The following SLC4A5 variants were observed in gnomAD, a reference collection of about 807,000 sequenced individuals.
SLC4A5 encodes solute carrier family 4 member 5.
SLC4A5 carries 96 observed loss-of-function variants against 120.4 expected under a neutral mutation model. The ratio of observed to expected loss-of-function variants is 0.80; its 90% CI spans 0.68 to 0.94. The LOEUF (loss-of-function observed/expected upper bound fraction) is 0.94. SLC4A5 is among the 40% of genes least tolerant of loss of function. The pLI is 0.00. For missense variants in SLC4A5, 1,259 were observed against 1,459.5 expected, an observed-to-expected ratio of 0.86 and a Z score of 2.24; for synonymous variants, 550 against 571.1, an observed-to-expected ratio of 0.96 and a Z score of 0.53.
intron 25 of SLC4A5, among the ~76,000 whole-genome samples, chr2:74,229,848 C>T (rs779329029): frequency 1.5e-4 from 23 of 150,732 alleles, no homozygotes; most frequent in Non-Finnish European, 2.1e-4. Context: ...CATTCTTTAG[C>T]GTTTGTTTCT....
rs143915992 is a variant in SLC4A5 at position 74,322,341 on chromosome 2, CAT to C, written c.-3+5777_-3+5778del. 3.5e-3 allele frequency among the ~76,000 whole-genome samples: 532 copies of C among 152,072 alleles called. 6 individuals carry two copies. Among genetic ancestry groups the C allele is most frequent in the African/African-American group, 0.011 (462 of 41,488 alleles). ...TATTAACATGTATAAATCTCAAAAA[CAT>C]AATGAGAACAAAAGGAAGTTGTAAA... On this transcript the variant is annotated intron_variant, in intron 5 of 30. Coordinates refer to ENST00000394019, the Ensembl canonical transcript of SLC4A5.
chr2:74,253,122 T>C, exon 15 of SLC4A5: 1 of 1,614,108 alleles, frequency 6.2e-7, no homozygotes, highest in Non-Finnish European at 8.5e-7. Flanking sequence ...GCCACGTCAC[T>C]GAAGAGCTGG....
chr2:74,262,112 A>G, intron 11 of SLC4A5, 25 bp downstream of exon 11: 1 of 1,600,918 alleles, frequency 6.2e-7, no homozygotes, highest in Non-Finnish European at 8.5e-7. Flanking sequence ...TAAAGCTGCC[A>G]CAGAGCGGCA....
intron 6 of SLC4A5, among the ~76,000 whole-genome samples, chr2:74,312,241 A>C (rs948611575): frequency 7.1e-6 from 1 of 139,936 alleles, no homozygotes; most frequent in Non-Finnish European, 1.6e-5. Flanking sequence ...GTGTGTGTGT[A>C]TATGTGTGTG....
intron 8 of SLC4A5, among the ~76,000 whole-genome samples, chr2:74,274,848 T>C (rs1671588389): frequency 6.6e-6 from 1 of 152,242 alleles, no homozygotes; most frequent in African/African-American, 2.4e-5. Context: ...AGCCAAATTA[T>C]CACCAAAAAG....
At chr2:74,217,337 T>C (rs372139224) in exon 31 of SLC4A5, 11 of 152,232 alleles carry the variant, frequency 7.2e-5, no homozygotes, top group Non-Finnish European at 1.3e-4. Context: ...TAAATGTGGA[T>C]TGAAGATAAA....
Position 74,259,568 on chromosome 2 carries a change from A to C in SLC4A5, c.867+20T>G. Reference sequence around the variant, plus strand: ...CCTGCCCTGGCCCTCCATTGCAGCTAAGTGCAGGGGTTTTACTACCTGGTC... The same window carrying C: ...CCTGCCCTGGCCCTCCATTGCAGCTCAGTGCAGGGGTTTTACTACCTGGTC... On this transcript the variant is annotated intron_variant, in intron 12 of 30. Coordinates refer to ENST00000394019, the Ensembl canonical transcript of SLC4A5. 6.2e-7 allele frequency: 1 copy of C among 1,613,766 alleles called. No homozygotes were observed. The highest frequency in any genetic ancestry group is 8.5e-7 in the Non-Finnish European group (1 of 1,179,658).
intron 6 of SLC4A5, among the ~76,000 whole-genome samples, chr2:74,311,905 A>C (rs1672815873): frequency 6.6e-6 from 1 of 152,144 alleles, no homozygotes; most frequent in Non-Finnish European, 1.5e-5. Context: ...TGGGTATTGA[A>C]GTCCACAACT....
chr2:74,227,924 C>T, intron 25 of SLC4A5, 46 bp from the exon 26 acceptor site: 1 of 1,457,144 alleles, frequency 6.9e-7, no homozygotes, highest in Non-Finnish European at 9.3e-7. Context: ...CTGGGGCGGC[C>T]CTTGGCCACC....
chr2:74,229,017 C>T (rs1311124616), intron 25 of SLC4A5, among the ~76,000 whole-genome samples: 1 of 151,778 alleles, frequency 6.6e-6, no homozygotes. Context: ...TGTTAGAGCA[C>T]TCCGGAGAGC....
At position 74,242,098 on chromosome 2, in the gene SLC4A5, C is replaced by T. The variant is rs35956343; in HGVS notation, c.2060-46G>A. 5.1e-6 allele frequency: 8 copies of T among 1,559,220 alleles called. No homozygotes were observed. In the African/African-American group the frequency reaches 9.5e-5, roughly 19 times the overall value. On this transcript the variant is annotated intron_variant, in intron 19 of 30. Coordinates refer to ENST00000394019, the Ensembl canonical transcript of SLC4A5. Reference sequence around the variant, plus strand: ...CGGGGCAGGGTCAGCAGCTGTGGGGCTGGGAGCTGCATTCCCAACCCCTTC... The same window carrying T: ...CGGGGCAGGGTCAGCAGCTGTGGGGTTGGGAGCTGCATTCCCAACCCCTTC...
At chr2:74,312,520 G>A (rs1044222417) in intron 6 of SLC4A5, among the ~76,000 whole-genome samples, 3 of 152,082 alleles carry the variant, frequency 2.0e-5, no homozygotes, top group Middle Eastern at 3.2e-3. Flanking sequence ...GTGAGCCATC[G>A]CACCTGGCCT....
intron 8 of SLC4A5, among the ~76,000 whole-genome samples, chr2:74,275,867 GC>G (rs1475713250): frequency 1.3e-5 from 2 of 152,200 alleles, no homozygotes; most frequent in African/African-American, 4.8e-5. Context: ...TGAGGAGCCT[GC>G]CCAAGGTCAT....
chr2:74,219,172 TGGA>T (rs1319166134), intron 30 of SLC4A5, among the ~76,000 whole-genome samples: 1 of 140,280 alleles, frequency 7.1e-6, no homozygotes, highest in Admixed American at 7.7e-5. Flanking sequence ...CTTTGCTCTT[TGGA>T]GGTGTGTGTG....
intron 5 of SLC4A5, among the ~76,000 whole-genome samples, chr2:74,323,235 T>G (rs1468531474): frequency 6.6e-6 from 1 of 151,730 alleles, no homozygotes; most frequent in Non-Finnish European, 1.5e-5. Flanking sequence ...TGAGACTCTG[T>G]CTCAAAAAAA....
At chr2:74,309,810 C>T (rs1190078047) in intron 6 of SLC4A5, among the ~76,000 whole-genome samples, 1 of 151,886 alleles carries the variant, frequency 6.6e-6, no homozygotes, top group African/African-American at 2.4e-5. Context: ...TGCCCACCAC[C>T]ACGCCCGGCT....
In SLC4A5 at chr2:74,262,055, C is replaced by A. The variant is rs1434157591; in HGVS notation, c.811+82G>T. On this transcript the variant is annotated intron_variant, in intron 11 of 30. Coordinates refer to ENST00000394019, the Ensembl canonical transcript of SLC4A5. Reference sequence around the variant, plus strand: ...TCTTGGCAGATCCTGGGCTTTGTCTCCCCCACCTATGGCAATGTGGCCATG... The same window carrying A: ...TCTTGGCAGATCCTGGGCTTTGTCTACCCCACCTATGGCAATGTGGCCATG... 6 of 1,300,692 alleles carry A rather than the reference C, an allele frequency of 4.6e-6. No individual in the cohort carries two copies. The African/African-American group carries it at 8.8e-5, about 19-fold the overall frequency. The allele number at this position is 1,300,692 out of a possible 1,614,324, so 80.6% of individuals were successfully genotyped here.
At chr2:74,227,086 C>T (rs750967342) in exon 27 of SLC4A5, 21 of 1,613,908 alleles carry the variant, frequency 1.3e-5, no homozygotes, top group Non-Finnish European at 1.7e-5. Flanking sequence ...CATGGTCCGG[C>T]TGGTGCTTGG....
intron 4 of SLC4A5, among the ~76,000 whole-genome samples, chr2:74,333,466 T>C (rs568925071): frequency 6.6e-6 from 1 of 151,766 alleles, no homozygotes; most frequent in South Asian, 2.1e-4. Context: ...CAAAAATATT[T>C]GAAAAAATAA....
Sources: allele counts gnomAD v4.1 joint callset (sites outside exome capture counted in the v4.1 genomes callset), GRCh38; gene constraint gnomAD v4.1.1; transcripts MANE v1.5; gene names NCBI Gene and HGNC (gene_info 2026-07-23, HGNC 2026-07-21).